The following RBPJ variants were observed in gnomAD, a reference collection of about 807,000 sequenced individuals.
The protein encoded by RBPJ is recombining binding protein suppressor of hairless.
RBPJ carries 9 observed loss-of-function variants against 67.8 expected under a neutral mutation model. The ratio of observed to expected loss-of-function variants is 0.13; its 90% CI spans 0.08 to 0.23. The LOEUF (loss-of-function observed/expected upper bound fraction) is 0.23. Ranked by LOEUF, RBPJ falls within the 10% of genes least tolerant of loss-of-function variation. The pLI is 1.00. For missense variants in RBPJ, 305 were observed against 595.6 expected (o/e 0.51, Z 5.08); for synonymous variants, 198 against 203.3 (o/e 0.97, Z 0.22).
At chr4:26,408,303 A>C (rs1733676175) in intron 3 of RBPJ, among the ~76,000 whole-genome samples, 1 of 152,174 alleles carries the variant, frequency 6.6e-6, no homozygotes, top group South Asian at 2.1e-4. Context: ...TACTTTACTA[A>C]TACAACTTAA....
At chr4:26,294,906 A>G (rs1721810884) in intron 1 of RBPJ, among the ~76,000 whole-genome samples, 1 of 152,034 alleles carries the variant, frequency 6.6e-6, no homozygotes, top group Non-Finnish European at 1.5e-5. Context: ...ACATGTGGGC[A>G]TAGTTTAACA....
At chr4:26,352,548 C>T (rs938775360) in intron 1 of RBPJ, among the ~76,000 whole-genome samples, 4 of 152,162 alleles carry the variant, frequency 2.6e-5, no homozygotes, top group African/African-American at 9.6e-5. Context: ...ACCTGTACTC[C>T]CAGCACTTTG....
intron 1 of RBPJ, among the ~76,000 whole-genome samples, chr4:26,265,326 C>T (rs1218996289): frequency 6.6e-6 from 1 of 151,646 alleles, no homozygotes; most frequent in Non-Finnish European, 1.5e-5. Flanking sequence ...GTCAGGAGAT[C>T]GAGACCAGCC....
the RBPJ span, among the ~76,000 whole-genome samples, chr4:26,122,433 G>A: frequency 6.6e-6 from 1 of 152,190 alleles, no homozygotes; most frequent in Non-Finnish European, 1.5e-5. Flanking sequence ...AGGCCAGAGA[G>A]CGACAATTAG....
intron 1 of RBPJ, among the ~76,000 whole-genome samples, chr4:26,379,917 T>C (rs1442376204): frequency 6.6e-6 from 1 of 152,150 alleles, no homozygotes; most frequent in Non-Finnish European, 1.5e-5. Context: ...AAAACATGTT[T>C]AATAGATGAG....
At chr4:26,314,083 C>T (rs1170104539) in intron 1 of RBPJ, among the ~76,000 whole-genome samples, 2 of 152,116 alleles carry the variant, frequency 1.3e-5, no homozygotes, top group African/African-American at 2.4e-5. Context: ...GTCATTCTTA[C>T]AATTTCTAGT....
At chr4:26,207,637 G>A (rs912085180) in intron 1 of RBPJ, among the ~76,000 whole-genome samples, 1 of 152,156 alleles carries the variant, frequency 6.6e-6, no homozygotes, top group Non-Finnish European at 1.5e-5. Flanking sequence ...AGGCACTTGG[G>A]GTACATCCCT....
At chr4:26,283,649 CTT>C (rs371025225) in intron 1 of RBPJ, among the ~76,000 whole-genome samples, 4 of 142,236 alleles carry the variant, frequency 2.8e-5, no homozygotes, top group Non-Finnish European at 6.1e-5. Flanking sequence ...TTTAACTAAA[CTT>C]TTTTTTTTTT....
At chr4:26,148,164 G>T in the RBPJ span, among the ~76,000 whole-genome samples, 1 of 152,214 alleles carries the variant, frequency 6.6e-6, no homozygotes, top group Non-Finnish European at 1.5e-5. Context: ...TGGAATCCAA[G>T]AGAACACCTA....
chr4:26,226,432 A>G (rs1009031427), intron 1 of RBPJ, among the ~76,000 whole-genome samples: 3 of 152,228 alleles, frequency 2.0e-5, no homozygotes, highest in Admixed American at 6.5e-5. Context: ...CTGTGATTGT[A>G]CTACTGCACT....
chr4:26,151,631 G>A, the RBPJ span, among the ~76,000 whole-genome samples: 9 of 152,330 alleles, frequency 5.9e-5, no homozygotes, highest in Non-Finnish European at 1.2e-4. Context: ...GAGGCACAGA[G>A]CTGCAAAGGA....
intron 1 of RBPJ, among the ~76,000 whole-genome samples, chr4:26,296,401 G>A (rs547438649): frequency 6.0e-4 from 91 of 152,218 alleles, no homozygotes; most frequent in Non-Finnish European, 1.1e-3. Flanking sequence ...AGCAGAATGT[G>A]GCTTTATGGA....
intron 1 of RBPJ, among the ~76,000 whole-genome samples, chr4:26,219,287 G>T (rs933680236): frequency 1.3e-5 from 2 of 152,188 alleles, no homozygotes; most frequent in African/African-American, 4.8e-5. Context: ...TGGGGATGAT[G>T]ATGTTTGTTG....
intron 1 of RBPJ, chr4:26,368,196 A>C (rs1242842698): frequency 6.6e-6 from 1 of 152,210 alleles, no homozygotes; most frequent in Non-Finnish European, 1.5e-5. Context: ...GCAGGCATAC[A>C]TCTTTAGTGG....
At chr4:26,318,951 C>G (rs1252533670), upstream of RBPJ, among the ~76,000 whole-genome samples, 2 of 140,120 alleles carry the variant, frequency 1.4e-5, no homozygotes, top group East Asian at 2.1e-4. Context: ...GAGCCGAGAT[C>G]GCGCCACTGC....
In RBPJ at chr4:26,174,330, C is replaced by T. The variant is rs74599751; in HGVS notation, c.-167+10716C>T. ...GGAGGACTTCCTCTGGTGACTGACACGGCGTAAATTTCTCACTCAGCTCTG... is the reference window on the plus strand; with the variant it reads ...GGAGGACTTCCTCTGGTGACTGACATGGCGTAAATTTCTCACTCAGCTCTG... On this transcript the variant is annotated intron_variant, in intron 1 of 4. Coordinates refer to the RBPJ transcript ENST00000512351. Among the ~76,000 whole-genome samples, 1,227 of 152,238 alleles carry T rather than the reference C, an allele frequency of 8.1e-3. 8 individuals are homozygous for T. The highest frequency in any genetic ancestry group is 0.012 in the Admixed American group (188 of 15,302).
Position 26,433,852 on chromosome 4 carries a change from T to C in RBPJ, c.*2845T>C, listed in dbSNP as rs1463171029. 1 of 152,196 alleles carries C rather than the reference T, an allele frequency of 6.6e-6. No individual in the cohort carries two copies. Among genetic ancestry groups the C allele is most frequent in the East Asian group, 1.9e-4 (1 of 5,196 alleles). The allele number at this position is 152,196 out of a possible 1,614,324, so 9.4% of individuals were successfully genotyped here. Reference sequence around the variant, plus strand: ...GTGTGCCCTCCTCCAGTGATGGCATTATTAGACATGCTGGTCATTTACCCT... The same window carrying C: ...GTGTGCCCTCCTCCAGTGATGGCATCATTAGACATGCTGGTCATTTACCCT... On this transcript the variant is annotated 3_prime_UTR_variant, in exon 11 of 11. Coordinates refer to ENST00000355476, the MANE Select transcript of RBPJ (RefSeq NM_015874.6).
chr4:26,218,856 C>G (rs765004591), intron 1 of RBPJ, among the ~76,000 whole-genome samples: 7 of 152,068 alleles, frequency 4.6e-5, no homozygotes, highest in Admixed American at 1.3e-4. Flanking sequence ...AGGGCCCTAA[C>G]GAGAAACAGG....
intron 1 of RBPJ, chr4:26,383,805 G>A (rs1422515002): frequency 6.6e-6 from 1 of 152,134 alleles, no homozygotes; most frequent in Non-Finnish European, 1.5e-5. Context: ...TCAGTGTTTT[G>A]AAATCTGTGT....
Sources: allele counts gnomAD v4.1 joint callset (sites outside exome capture counted in the v4.1 genomes callset), GRCh38; gene constraint gnomAD v4.1.1; transcripts MANE v1.5; gene names NCBI Gene and HGNC (gene_info 2026-07-23, HGNC 2026-07-21).